PROSER2: variants seen among roughly 807,000 people sequenced by gnomAD.
PROSER2 encodes proline and serine rich 2, also known as proline and serine-rich protein 2.
A neutral mutation model predicts 14.6 loss-of-function variants in PROSER2; 18 were observed. The observed-to-expected ratio is 1.23, with a 90% CI of 0.85 to 1.83. The LOEUF (loss-of-function observed/expected upper bound fraction) is 1.83. PROSER2 is among the 40% of genes most tolerant of loss of function. PROSER2 has a pLI of 0.00. For synonymous variants in PROSER2, 367 were observed against 286.4 expected, an observed-to-expected ratio of 1.28 and a Z score of -2.84; for missense variants, 823 against 629.8, an observed-to-expected ratio of 1.31 and a Z score of -3.28.
chr10:11,866,848 TTC>T lies in PROSER2; in HGVS notation c.391+67_391+68del. On this transcript the variant is annotated intron_variant, in intron 3 of 3. Transcript: ENST00000277570. This position sits in a 1 kb window ranked among gnomAD's most constrained non-coding sequence, Gnocchi z 6.0. ...TGGTGTCTGTGAGACCCAGAGATAC[TTC>T]TTTTGTGTTCCCCTGTGTTTGCCAG... The T allele has an allele frequency of 5.2e-6, 8 of 1,529,920 alleles. No homozygotes were observed. The highest frequency in any genetic ancestry group is 7.0e-6 in the Non-Finnish European group (8 of 1,140,498). The allele number at this position is 1,529,920 out of a possible 1,614,324, so 94.8% of individuals were successfully genotyped here.
intron 2 of PROSER2, among the ~76,000 whole-genome samples, chr10:11,854,701 G>A (rs1834089917): frequency 6.6e-6 from 1 of 151,906 alleles, no homozygotes. Flanking sequence ...GGGATTACAG[G>A]CATGTGTCAC....
At chr10:11,851,957 C>T (rs1445498052) in intron 1 of PROSER2, 40 bp from the exon 2 acceptor site, 8 of 1,072,328 alleles carry the variant, frequency 7.5e-6, no homozygotes, top group South Asian at 2.6e-5. Flanking sequence ...TTTACAGTCT[C>T]GGCTTACTGA....
chr10:11,845,621 G>A (rs530118043), intron 1 of PROSER2, among the ~76,000 whole-genome samples: 1 of 152,222 alleles, frequency 6.6e-6, no homozygotes, highest in East Asian at 1.9e-4. Flanking sequence ...AGCAACACTC[G>A]GTAGCTGTTA....
At chr10:11,825,084 A>T (rs1833592873) in intron 1 of PROSER2, among the ~76,000 whole-genome samples, 1 of 152,200 alleles carries the variant, frequency 6.6e-6, no homozygotes, top group Non-Finnish European at 1.5e-5. Flanking sequence ...CTGAAGAGAT[A>T]CCTGGCCTTG....
Position 11,870,744 on chromosome 10 carries a change from T to G in PROSER2, c.*338T>G. 1 of 235,534 alleles carries G rather than the reference T, an allele frequency of 4.2e-6. No individual in the cohort carries two copies. Among genetic ancestry groups the G allele is most frequent in the Non-Finnish European group, 8.8e-6 (1 of 113,172 alleles). The allele number at this position is 235,534 out of a possible 1,614,324, so 14.6% of individuals were successfully genotyped here. A position where few individuals can be genotyped will look rare whatever the true frequency, so the allele number is the denominator to read the frequency against. On this transcript the variant is annotated 3_prime_UTR_variant, in exon 4 of 4. Transcript: ENST00000277570. ...TTTTGGGGGTTGGGAGGAGTAGGAC[T>G]GGTCTGATTATCATTCTTGAGTCTC...
intron 1 of PROSER2, among the ~76,000 whole-genome samples, chr10:11,844,284 C>G (rs942999010): frequency 6.6e-6 from 1 of 152,174 alleles, no homozygotes; most frequent in Non-Finnish European, 1.5e-5. Flanking sequence ...AGCCACTGCA[C>G]CCAGCCACTT....
chr10:11,869,985 T>TC lies in PROSER2; in HGVS notation c.891dup (p.Ala298ArgfsTer30). ...ACCATCCACGGCCACGCCGGCGCCT[T>TC]CCCCGCCGCGGGGGACGCCGGCGAG... On this transcript the variant is annotated frameshift_variant, in exon 4 of 4. Coordinates refer to ENST00000277570, the MANE Select transcript of PROSER2 (RefSeq NM_153256.4). LOFTEE classifies it low-confidence loss of function (END_TRUNC). The surrounding 1 kb of genome is among the most constrained non-coding windows in gnomAD (Gnocchi z 4.4). 7.8e-7 allele frequency: 1 copy of TC among 1,287,814 alleles called. No individual in the cohort carries two copies. The highest frequency in any genetic ancestry group is 2.5e-5 in the South Asian group (1 of 39,636). 79.8% of individuals were successfully genotyped at this position (1,287,814 alleles called of 1,614,324 possible).
intron 2 of PROSER2, among the ~76,000 whole-genome samples, chr10:11,860,711 G>A (rs1197192041): frequency 6.6e-6 from 1 of 152,182 alleles, no homozygotes; most frequent in South Asian, 2.1e-4. Context: ...AGGAACTCTG[G>A]GATGAAATGT....
chr10:11,846,517 G>T (rs1316950626), intron 1 of PROSER2, among the ~76,000 whole-genome samples: 1 of 152,138 alleles, frequency 6.6e-6, no homozygotes, highest in Non-Finnish European at 1.5e-5. Context: ...TATGCCATCT[G>T]TCGAGTTTTT....
At chr10:11,864,304 G>C (rs1286758830) in intron 2 of PROSER2, among the ~76,000 whole-genome samples, 1 of 152,122 alleles carries the variant, frequency 6.6e-6, no homozygotes, top group Non-Finnish European at 1.5e-5. Flanking sequence ...TCTTTTGTTT[G>C]TTTAAATTGT....
intron 1 of PROSER2, among the ~76,000 whole-genome samples, chr10:11,834,463 G>A (rs1028020969): frequency 3.4e-4 from 51 of 151,998 alleles, no homozygotes; most frequent in African/African-American, 1.2e-3. Flanking sequence ...GGCAGGGCGT[G>A]GTGGCTCATG....
intron 2 of PROSER2, 112 bp downstream of exon 2, chr10:11,852,327 G>A: frequency 8.5e-7 from 1 of 1,177,818 alleles, no homozygotes; most frequent in Non-Finnish European, 1.2e-6. Context: ...CAACTAGCTT[G>A]ATGTTCTGGA....
rs954514060 is a variant in PROSER2 at position 11,836,533 on chromosome 10, A to G, written c.-82+13063A>G. Among the ~76,000 whole-genome samples, 2 of 152,078 alleles carry G rather than the reference A, an allele frequency of 1.3e-5. No homozygotes were observed. Among genetic ancestry groups the G allele is most frequent in the Admixed American group, 6.6e-5 (1 of 15,264 alleles). ...TTAAAGACAATTTCTTTCCTAAGAT[A>G]TGTTTATTCTATATTTTGGAACAAA... On this transcript the variant is annotated intron_variant, in intron 1 of 3. Coordinates refer to ENST00000277570, the MANE Select transcript of PROSER2 (RefSeq NM_153256.4). The surrounding 1 kb of genome is among the most constrained non-coding windows in gnomAD (Gnocchi z 4.6).
intron 1 of PROSER2, among the ~76,000 whole-genome samples, chr10:11,834,075 AC>A (rs1833725325): frequency 7.5e-6 from 1 of 133,378 alleles, no homozygotes; most frequent in African/African-American, 2.9e-5. Context: ...GCTCACTGCA[AC>A]CTCTGCTTCT....
chr10:11,858,172 C>G (rs1056756968), intron 2 of PROSER2, among the ~76,000 whole-genome samples: 1 of 152,172 alleles, frequency 6.6e-6, no homozygotes, highest in African/African-American at 2.4e-5. Flanking sequence ...CTCCTGGCCT[C>G]TAGTGATTCG....
intron 1 of PROSER2, among the ~76,000 whole-genome samples, chr10:11,849,205 C>A (rs1190679045): frequency 1.3e-5 from 2 of 151,900 alleles, no homozygotes; most frequent in Non-Finnish European, 2.9e-5. Flanking sequence ...AACAAAAAAA[C>A]AAAGAGTTTA....
chr10:11,828,301 G>GAAAA (rs11297440), intron 1 of PROSER2, among the ~76,000 whole-genome samples: 1 of 136,240 alleles, frequency 7.3e-6, no homozygotes, highest in Non-Finnish European at 1.6e-5. Flanking sequence ...CTCTCTGTGT[G>GAAAA]AAAAAAAAAA....
chr10:11,827,985 G>T (rs899526750), intron 1 of PROSER2, among the ~76,000 whole-genome samples: 6 of 152,034 alleles, frequency 3.9e-5, no homozygotes, highest in Admixed American at 3.9e-4. Context: ...TTTGATACAT[G>T]TCTCTTTGTG....
At chr10:11,852,489 C>A (rs1834040221) in intron 2 of PROSER2, among the ~76,000 whole-genome samples, 1 of 151,986 alleles carries the variant, frequency 6.6e-6, no homozygotes, top group Admixed American at 6.6e-5. Flanking sequence ...GGGCAGAAAC[C>A]AACCCAGGCA....
Sources: gnomAD v4.1 joint callset for allele counts (sites outside exome capture counted in the v4.1 genomes callset) on GRCh38, gnomAD v4.1.1 for gene constraint, Gnocchi (gnomAD v3.1) non-coding constraint, MANE v1.5 for transcripts, NCBI Gene and HGNC (gene_info 2026-07-23, HGNC 2026-07-21) for gene names.